The following PPIA variants were observed in gnomAD, a reference collection of about 807,000 sequenced individuals.
PPIA encodes the protein peptidyl-prolyl cis-trans isomerase A.
PPIA carries 2 observed loss-of-function variants against 15.3 expected under a neutral mutation model. The ratio of observed to expected loss-of-function variants is 0.13; its 90% CI spans 0.05 to 0.41. The LOEUF (loss-of-function observed/expected upper bound fraction) is 0.41, where lower values mean the gene tolerates loss of function less well. Among genes scored for constraint, PPIA ranks in the 10% least tolerant of loss-of-function variants. PPIA has a pLI of 0.99. For missense variants in PPIA, 103 were observed against 210.3 expected (o/e 0.49, Z 3.16); for synonymous variants, 67 against 73.1 (o/e 0.92, Z 0.43).
chr7:44,798,598 G>A (rs1792452951), intron 1 of PPIA: 2 of 329,870 alleles, frequency 6.1e-6, no homozygotes, highest in South Asian at 2.4e-4. Flanking sequence ...CTTATAAAAT[G>A]CTACTTTTAA....
chr7:44,796,837 G>A, intron 1 of PPIA, 44 bp downstream of exon 1: 1 of 1,574,728 alleles, frequency 6.4e-7, no homozygotes, highest in South Asian at 1.1e-5. Flanking sequence ...CAGAAAGTGG[G>A]CCGGGGTCGG....
chr7:44,801,175 A>C (rs1792547658), intron 4 of PPIA, 112 bp from the exon 5 acceptor site: 1 of 1,219,240 alleles, frequency 8.2e-7, no homozygotes. Context: ...TTTAGTACAA[A>C]AGGCTTCAGT....
intron 4 of PPIA, 36 bp from the exon 5 acceptor site, chr7:44,801,251 G>A: frequency 6.2e-7 from 1 of 1,609,144 alleles, no homozygotes; most frequent in South Asian, 1.1e-5. Flanking sequence ...GCTTGTTTGT[G>A]GTTGCCAGTC....
At chr7:44,799,349 A>G (rs761565778) in intron 2 of PPIA, 43 bp from the exon 3 acceptor site, 1 of 1,598,890 alleles carries the variant, frequency 6.3e-7, no homozygotes, top group South Asian at 1.1e-5. Context: ...GTATATATAT[A>G]TTTTTATGTA....
chr7:44,798,923 T>TG, intron 1 of PPIA: 2 of 1,089,790 alleles, frequency 1.8e-6, no homozygotes, highest in Non-Finnish European at 1.1e-6. Context: ...TAGCTCAAGT[T>TG]GGGGGGTGGT....
chr7:44,798,929 G>T (rs1792462571), intron 1 of PPIA: 2 of 1,100,524 alleles, frequency 1.8e-6, no homozygotes, highest in Non-Finnish European at 2.2e-6. Flanking sequence ...AAGTTGGGGG[G>T]TGGTGATAGA....
rs765409656 is a variant in PPIA, at chr7:44,801,262, A to G, written c.363-25A>G. The G allele has an allele frequency of 3.7e-5, 59 of 1,611,598 alleles. No homozygotes were observed. The South Asian group carries it at 5.8e-4, about 16-fold the overall frequency. On this transcript the variant is annotated intron_variant, in intron 4 of 4. Transcript: ENST00000468812. ...GGCTGCTTGTTTGTGGTTGCCAGTCATAGTGATTGTTCTTCCTTTTCAAGG... is the reference window on the plus strand; with the variant it reads ...GGCTGCTTGTTTGTGGTTGCCAGTCGTAGTGATTGTTCTTCCTTTTCAAGG...
intron 4 of PPIA, 49 bp downstream of exon 4, chr7:44,799,923 C>T: frequency 6.3e-7 from 1 of 1,575,796 alleles, no homozygotes; most frequent in Non-Finnish European, 8.7e-7. Context: ...TGAAAAGTTG[C>T]CCTGGGGGGA....
chr7:44,797,605 G>T (rs1415430501), intron 1 of PPIA, among the ~76,000 whole-genome samples: 1 of 152,180 alleles, frequency 6.6e-6, no homozygotes, highest in Non-Finnish European at 1.5e-5. Context: ...CCACAAGGCA[G>T]GCCTCTTCCG....
At chr7:44,796,832 A>C in intron 1 of PPIA, 39 bp downstream of exon 1, 8 of 1,520,342 alleles carry the variant, frequency 5.3e-6, no homozygotes, top group Non-Finnish European at 6.3e-6. Flanking sequence ...GGGCCCAGAA[A>C]GTGGGCCGGG....
At chr7:44,801,126 A>G (rs1792545545) in intron 4 of PPIA, among the ~76,000 whole-genome samples, 161 bp from the exon 5 acceptor site, 1 of 151,914 alleles carries the variant, frequency 6.6e-6, no homozygotes, top group African/African-American at 2.4e-5. Context: ...CTATATGTGT[A>G]ACTCTTTAAT....
At chr7:44,800,778 TTTTG>T (rs764590659) in intron 4 of PPIA, among the ~76,000 whole-genome samples, 17 of 152,138 alleles carry the variant, frequency 1.1e-4, no homozygotes, top group East Asian at 9.7e-4. Context: ...TTTTGTTTTG[TTTTG>T]TTTGTTTTTG....
In PPIA at chr7:44,796,748, C is replaced by T; in HGVS notation, c.24C>T (p.Phe8=). MVNPTVF[F]DIAVDGEPLG... ...CCATGGTCAACCCCACCGTGTTCTTCGACATTGCCGTCGACGGCGAGCCCT... is the reference window on the plus strand; with the variant it reads ...CCATGGTCAACCCCACCGTGTTCTTTGACATTGCCGTCGACGGCGAGCCCT... The change falls in exon 1 of 5, where the codon TTC becomes TTT. Residue 8 remains phenylalanine, a synonymous_variant. Coordinates refer to ENST00000468812, the MANE Select transcript of PPIA (RefSeq NM_021130.5). The T allele has an allele frequency of 6.2e-7, 1 of 1,609,980 alleles. No homozygotes were observed. The highest frequency in any genetic ancestry group is 8.5e-7 in the Non-Finnish European group (1 of 1,178,750).
chr7:44,801,528 G>A lies in PPIA; in HGVS notation c.*106G>A, dbSNP rs1031011654. 1.6e-5 allele frequency: 11 copies of A among 688,356 alleles called. No homozygotes were observed. The highest frequency in any genetic ancestry group is 3.6e-5 in the African/African-American group (2 of 55,220). The allele number at this position is 688,356 out of a possible 1,614,324, so 42.6% of individuals were successfully genotyped here. ...AGTATCCTAGAATCTTTGTGCTCTC[G>A]CTGCAGTTCCCTTTGGGTTCCATGT... On this transcript the variant is annotated 3_prime_UTR_variant, in exon 5 of 5. Coordinates refer to ENST00000468812, the MANE Select transcript of PPIA (RefSeq NM_021130.5).
At chr7:44,798,664 C>G (rs946289263) in intron 1 of PPIA, 3 of 851,800 alleles carry the variant, frequency 3.5e-6, no homozygotes, top group Non-Finnish European at 4.2e-6. Flanking sequence ...AGCTACCTCT[C>G]TAGCCATAAC....
intron 4 of PPIA, among the ~76,000 whole-genome samples, chr7:44,800,820 T>C (rs963326106): frequency 5.0e-4 from 76 of 152,116 alleles, no homozygotes; most frequent in African/African-American, 1.8e-3. Context: ...TCATTCTATA[T>C]GTGTAACTCT....
At position 44,801,677 on chromosome 7, in the gene PPIA, G is replaced by A. The variant is rs1229360866; in HGVS notation, c.*255G>A. On this transcript the variant is annotated 3_prime_UTR_variant, in exon 5 of 5. Coordinates refer to ENST00000468812, the MANE Select transcript of PPIA (RefSeq NM_021130.5). Reference sequence around the variant, plus strand: ...GTTGATGTAGGCTTTATTTTAAGCAGTAATGGGTTACTTCTGAAACATCAC... The same window carrying A: ...GTTGATGTAGGCTTTATTTTAAGCAATAATGGGTTACTTCTGAAACATCAC... 7 of 369,222 alleles carry A rather than the reference G, an allele frequency of 1.9e-5. No homozygotes were observed. The allele number at this position is 369,222 out of a possible 1,614,324, so 22.9% of individuals were successfully genotyped here.
At chr7:44,800,360 A>C in intron 4 of PPIA, 1 of 156,460 alleles carries the variant, frequency 6.4e-6, no homozygotes, top group Non-Finnish European at 1.4e-5. Flanking sequence ...AAGTGCTGGG[A>C]TTTCAGGCAT....
In PPIA at chr7:44,802,173, G is replaced by C. The variant is rs1583694405; in HGVS notation, c.*751G>C. On this transcript the variant is annotated 3_prime_UTR_variant, in exon 5 of 5. Coordinates refer to ENST00000468812, the MANE Select transcript of PPIA (RefSeq NM_021130.5). Reference sequence around the variant, plus strand: ...GTCAAAAATTGAGACATCTGTTGCGGTTTTTTTTTTTTTTTTTTCCCCTGG... The same window carrying C: ...GTCAAAAATTGAGACATCTGTTGCGCTTTTTTTTTTTTTTTTTTCCCCTGG... 7.3e-6 allele frequency: 1 copy of C among 137,654 alleles called. No homozygotes were observed. The highest frequency in any genetic ancestry group is 7.5e-5 in the Admixed American group (1 of 13,292). The allele number at this position is 137,654 out of a possible 1,614,324, so 8.5% of individuals were successfully genotyped here. A position where few individuals can be genotyped will look rare whatever the true frequency, so the allele number is the denominator to read the frequency against.
Sources: gnomAD v4.1 joint callset for allele counts (sites outside exome capture counted in the v4.1 genomes callset) on GRCh38, gnomAD v4.1.1 for gene constraint, MANE v1.5 for transcripts, NCBI Gene and HGNC (gene_info 2026-07-23, HGNC 2026-07-21) for gene names.